The following KDM1A variants were observed in gnomAD, a reference collection of about 807,000 sequenced individuals.
The protein encoded by KDM1A is lysine demethylase 1A.
Under a neutral mutation model 109.4 loss-of-function variants are expected in KDM1A, and 49 were observed. The observed-to-expected ratio is 0.45, with a 90% CI of 0.36 to 0.57. The LOEUF (loss-of-function observed/expected upper bound fraction) is 0.57, where lower values mean the gene tolerates loss of function less well. KDM1A is among the 20% of genes least tolerant of loss of function. The probability of loss-of-function intolerance (pLI) is 0.00; values close to 1 mark genes in which losing one functional copy is unlikely to be tolerated. For synonymous variants in KDM1A, 380 were observed against 415.4 expected, an observed-to-expected ratio of 0.91 and a Z score of 1.04; for missense variants, 668 against 1,116.6, an observed-to-expected ratio of 0.60 and a Z score of 5.73.
rs752126698 is a variant in KDM1A at position 23,044,309 on chromosome 1, AATATGGGTTTACT to A, written c.518-116_518-104del. 19 of 836,748 alleles carry A rather than the reference AATATGGGTTTACT, an allele frequency of 2.3e-5. No individual in the cohort carries two copies. In the East Asian group the frequency reaches 5.3e-4, roughly 23 times the overall value. 51.8% of individuals were successfully genotyped at this position (836,748 alleles called of 1,614,324 possible). ...TGATTCCAGAAGAAGGAGCTCTCTGAATATGGGTTTACTAGTTGGTGGTGAATTCATGAGTCGC... is the reference window on the plus strand; with the variant it reads ...TGATTCCAGAAGAAGGAGCTCTCTGAAGTTGGTGGTGAATTCATGAGTCGC... On this transcript the variant is annotated intron_variant, in intron 2 of 20. Transcript: ENST00000400181.
intron 12 of KDM1A, 75 bp from the exon 13 acceptor site, chr1:23,071,149 CA>C: frequency 6.9e-6 from 9 of 1,313,190 alleles, no homozygotes; most frequent in Non-Finnish European, 8.4e-6. Context: ...TTTGAGGAGC[CA>C]AAAAAGGGTA....
chr1:23,051,833 A>C (rs1642679107), intron 4 of KDM1A, among the ~76,000 whole-genome samples: 1 of 152,182 alleles, frequency 6.6e-6, no homozygotes, highest in South Asian at 2.1e-4. Flanking sequence ...TAGATTGCAA[A>C]ACCACTGCTT....
At chr1:23,029,851 G>A (rs1184317796) in intron 1 of KDM1A, among the ~76,000 whole-genome samples, 1 of 152,132 alleles carries the variant, frequency 6.6e-6, no homozygotes, top group East Asian at 1.9e-4. Context: ...TGTTAGCTAG[G>A]TTGGTCTCGA....
At chr1:23,023,553 T>C (rs1382297534) in intron 1 of KDM1A, among the ~76,000 whole-genome samples, 3 of 152,342 alleles carry the variant, frequency 2.0e-5, no homozygotes, top group East Asian at 3.9e-4. Flanking sequence ...TGATCTATTA[T>C]ATATTTCCGT....
At position 23,077,342 on chromosome 1, in the gene KDM1A, G is replaced by C; in HGVS notation, c.1849G>C (p.Val617Leu). The change falls in exon 16 of 21, where the codon GTT becomes CTT. Residue 617 changes from valine (V) to leucine (L), a missense_variant. Val to Leu is a conservative substitution (Grantham distance 32). This residue lies in a region of KDM1A where 162 missense variants were observed against 376.4 expected (regional missense o/e 0.43). Transcript: ENST00000400181. ...DIKLNTAVRQ[V>L]RYTASGCEVI... ...TAAACTGAATACAGCAGTGCGACAGGTTCGCTACACGGCTTCAGGTATGTC... is the reference window on the plus strand; with the variant it reads ...TAAACTGAATACAGCAGTGCGACAGCTTCGCTACACGGCTTCAGGTATGTC... The C allele has an allele frequency of 1.2e-6, 2 of 1,613,026 alleles. No individual in the cohort carries two copies. Among genetic ancestry groups the C allele is most frequent in the Non-Finnish European group, 1.7e-6 (2 of 1,179,290 alleles).
chr1:23,031,743 TAAAG>T (rs1244531946), intron 2 of KDM1A, among the ~76,000 whole-genome samples: 3 of 152,322 alleles, frequency 2.0e-5, no homozygotes, highest in Non-Finnish European at 4.4e-5. Context: ...AGGATTGTAA[TAAAG>T]TGTACTAAAG....
intron 1 of KDM1A, among the ~76,000 whole-genome samples, chr1:23,023,967 A>G (rs1483828290): frequency 4.6e-5 from 7 of 152,088 alleles, no homozygotes; most frequent in Admixed American, 3.9e-4. Flanking sequence ...CTCTTATCTC[A>G]GCCTCCTGAG....
chr1:23,041,242 A>G lies in KDM1A; in HGVS notation c.518-3185A>G, dbSNP rs1203496665. Among the ~76,000 whole-genome samples, 3 of 152,298 alleles carry G rather than the reference A, an allele frequency of 2.0e-5. No individual in the cohort carries two copies. The East Asian group carries it at 5.8e-4, about 29-fold the overall frequency. ...CATCTTCAAAATACTCTCAAGTATG[A>G]TTGGAGTGAAAATAATAACTTCATT... On this transcript the variant is annotated intron_variant, in intron 2 of 20. Transcript: ENST00000400181.
At chr1:23,080,372 T>C (rs1643583284) in intron 18 of KDM1A, among the ~76,000 whole-genome samples, 1 of 152,206 alleles carries the variant, frequency 6.6e-6, no homozygotes, top group South Asian at 2.1e-4. Flanking sequence ...TCAAGTCCTG[T>C]CAGTGCTAGC....
chr1:23,056,162 G>T, intron 7 of KDM1A, 124 bp downstream of exon 7: 2 of 597,754 alleles, frequency 3.3e-6, no homozygotes, highest in Non-Finnish European at 5.8e-6. Context: ...AATACTCAGA[G>T]TATTTTGGAT....
chr1:23,032,798 G>T (rs986212193), intron 2 of KDM1A, among the ~76,000 whole-genome samples: 2 of 152,184 alleles, frequency 1.3e-5, no homozygotes, highest in African/African-American at 4.8e-5. Context: ...ACTGTGCAGG[G>T]TTTCTAAGTC....
chr1:23,063,459 A>G (rs1454500703), intron 9 of KDM1A, among the ~76,000 whole-genome samples: 1 of 152,154 alleles, frequency 6.6e-6, no homozygotes, highest in Non-Finnish European at 1.5e-5. Context: ...GTTCTTATAC[A>G]GTGGTGCTTA....
chr1:23,049,777 ATAT>A (rs1193694184), intron 3 of KDM1A, among the ~76,000 whole-genome samples: 8 of 152,020 alleles, frequency 5.3e-5, no homozygotes, highest in African/African-American at 1.7e-4. Flanking sequence ...ATACATAGTA[ATAT>A]TAGTAGTATA....
Position 23,019,492 on chromosome 1 carries a change from T to TG in KDM1A, c.-103dup, listed in dbSNP as rs1425918033. The TG allele has an allele frequency of 7.7e-7, 1 of 1,291,426 alleles. No homozygotes were observed. The highest frequency in any genetic ancestry group is 9.8e-7 in the Non-Finnish European group (1 of 1,020,050). The allele number at this position is 1,291,426 out of a possible 1,614,324, so 80.0% of individuals were successfully genotyped here. ...TGGCGCGTGCGTACGCGACGGCGGT[T>TG]GGCGGCGCGCGGGCAGCGTGAAGCG... On this transcript the variant is annotated 5_prime_UTR_variant, in exon 1 of 21. Transcript: ENST00000400181.
intron 2 of KDM1A, among the ~76,000 whole-genome samples, chr1:23,039,812 A>G (rs1477340206): frequency 1.3e-5 from 2 of 152,330 alleles, no homozygotes; most frequent in Non-Finnish European, 2.9e-5. Context: ...CTTAACAACA[A>G]AAGTTTCCTT....
At chr1:23,065,597 C>T (rs1643138488) in intron 9 of KDM1A, among the ~76,000 whole-genome samples, 1 of 152,192 alleles carries the variant, frequency 6.6e-6, no homozygotes, top group African/African-American at 2.4e-5. Context: ...GGCTGACAAT[C>T]TCACATAATC....
Position 23,083,426 on chromosome 1 carries a change from T to C in KDM1A, c.*62T>C, listed in dbSNP as rs1643680383. On this transcript the variant is annotated 3_prime_UTR_variant, in exon 21 of 21. Coordinates refer to ENST00000400181, the MANE Select transcript of KDM1A (RefSeq NM_001009999.3). ...GTTTCTGCCATGTAAGGAAGGCTCT[T>C]CTAGCAATACTAGATCCCACTGAGA... is the stretch of plus-strand genomic sequence containing the variant. 2 of 1,507,088 alleles carry C rather than the reference T, an allele frequency of 1.3e-6. No homozygotes were observed. The highest frequency in any genetic ancestry group is 3.7e-5 in the Admixed American group (2 of 54,534). 93.4% of individuals were successfully genotyped at this position (1,507,088 alleles called of 1,614,324 possible).
At chr1:23,078,519 A>G (rs1643531201) in intron 16 of KDM1A, among the ~76,000 whole-genome samples, 1 of 152,272 alleles carries the variant, frequency 6.6e-6, no homozygotes, top group Non-Finnish European at 1.5e-5. Flanking sequence ...ATTCTCAAGC[A>G]TAGCACGCTC....
At position 23,019,820 on chromosome 1, in the gene KDM1A, C is replaced by A; in HGVS notation, c.224C>A (p.Ala75Glu). The A allele has an allele frequency of 7.0e-7, 1 of 1,421,804 alleles. No homozygotes were observed. The highest frequency in any genetic ancestry group is 9.2e-7 in the Non-Finnish European group (1 of 1,089,190). 88.1% of individuals were successfully genotyped at this position (1,421,804 alleles called of 1,614,324 possible). Residue 75 changes from alanine (A) to glutamate (E), a missense_variant, in exon 1 of 21, where the codon GCG becomes GAG. Around this residue, in one of 8 missense-constraint regions of KDM1A, gnomAD observed 156 missense variants for 163.4 expected, o/e 0.95. Coordinates refer to ENST00000400181, the MANE Select transcript of KDM1A (RefSeq NM_001009999.3). Reference protein sequence around the residue: ...PPRASPPGGLAEPPGSAGPQA... With the variant: ...PPRASPPGGLEEPPGSAGPQA... ...CGGGCCTCGCCCCCCGGGGGCCTGGCGGAACCGCCGGGGTCCGCAGGGCCT... is the reference window on the plus strand; with the variant it reads ...CGGGCCTCGCCCCCCGGGGGCCTGGAGGAACCGCCGGGGTCCGCAGGGCCT...
Sources: allele counts gnomAD v4.1 joint callset (sites outside exome capture counted in the v4.1 genomes callset), GRCh38; gene constraint gnomAD v4.1.1; regional missense constraint gnomAD v4.1.1; transcripts MANE v1.5; gene names NCBI Gene and HGNC (gene_info 2026-07-23, HGNC 2026-07-21).